PDZRN4: variants seen among roughly 807,000 people sequenced by gnomAD.
The protein encoded by PDZRN4 is PDZ domain containing ring finger 4.
In PDZRN4, 70 loss-of-function variants were observed where a neutral mutation model predicts 99.0. The ratio of observed to expected loss-of-function variants is 0.71; its 90% CI spans 0.58 to 0.86. The LOEUF is 0.86. PDZRN4 is among the 40% of genes least tolerant of loss of function. PDZRN4 has a pLI of 0.00. For synonymous variants in PDZRN4, 551 were observed against 501.6 expected, an observed-to-expected ratio of 1.10 and a Z score of -1.32; for missense variants, 1,474 against 1,331.2, an observed-to-expected ratio of 1.11 and a Z score of -1.67.
At chr12:41,315,060 T>A (rs7962357) in intron 3 of PDZRN4, among the ~76,000 whole-genome samples, 77,623 of 151,870 alleles carry the variant, frequency 0.51, 21,507 homozygotes, top group East Asian at 0.67. Flanking sequence ...TATTCCTAAA[T>A]GTTCAGGGAA....
intron 3 of PDZRN4, among the ~76,000 whole-genome samples, chr12:41,198,812 G>A (rs1950795597): frequency 6.6e-6 from 1 of 152,074 alleles, no homozygotes; most frequent in Admixed American, 6.5e-5. Flanking sequence ...TGTCAGTGTA[G>A]CACTTTCCAT....
At chr12:41,541,989 T>C (rs1295281943) in intron 5 of PDZRN4, among the ~76,000 whole-genome samples, 1 of 152,194 alleles carries the variant, frequency 6.6e-6, no homozygotes, top group South Asian at 2.1e-4. Context: ...TGGTATCTCT[T>C]TAGCTGACTT....
At chr12:41,546,389 G>C (rs144667638) in intron 5 of PDZRN4, among the ~76,000 whole-genome samples, 1 of 152,256 alleles carries the variant, frequency 6.6e-6, no homozygotes, top group African/African-American at 2.4e-5. Flanking sequence ...TTGGTGTAGT[G>C]TATTCTTGGT....
At chr12:41,306,046 A>C (rs986174986) in intron 3 of PDZRN4, among the ~76,000 whole-genome samples, 1 of 152,204 alleles carries the variant, frequency 6.6e-6, no homozygotes, top group African/African-American at 2.4e-5. Context: ...AAAGGGAAAA[A>C]TCAAAAGGAA....
chr12:41,481,208 C>G (rs1488372734), intron 3 of PDZRN4, among the ~76,000 whole-genome samples: 1 of 151,956 alleles, frequency 6.6e-6, no homozygotes, highest in South Asian at 2.1e-4. Flanking sequence ...TGATAGGAAC[C>G]TATCACCCAT....
At chr12:41,518,823 T>C (rs1252105753) in intron 5 of PDZRN4, among the ~76,000 whole-genome samples, 1 of 152,008 alleles carries the variant, frequency 6.6e-6, no homozygotes, top group Non-Finnish European at 1.5e-5. Context: ...GTGGCATGCA[T>C]CTGTGGTCCC....
intron 3 of PDZRN4, among the ~76,000 whole-genome samples, chr12:41,472,975 A>G (rs1343407624): frequency 3.3e-5 from 5 of 152,266 alleles, no homozygotes; most frequent in Admixed American, 3.3e-4. Context: ...CTAACTAAGC[A>G]TGCCATTATT....
chr12:41,194,863 G>A (rs1338929254), intron 3 of PDZRN4, among the ~76,000 whole-genome samples: 3 of 152,026 alleles, frequency 2.0e-5, no homozygotes, highest in Admixed American at 6.6e-5. Context: ...GAACATTTCT[G>A]ATGAGGAACT....
chr12:41,283,440 G>A (rs1308860413), intron 3 of PDZRN4, among the ~76,000 whole-genome samples: 1 of 152,118 alleles, frequency 6.6e-6, no homozygotes, highest in Non-Finnish European at 1.5e-5. Flanking sequence ...GTACAAAGTG[G>A]AGCTGATCCC....
chr12:41,561,237 C>A (rs1362705126), intron 7 of PDZRN4, among the ~76,000 whole-genome samples: 1 of 152,116 alleles, frequency 6.6e-6, no homozygotes, highest in Non-Finnish European at 1.5e-5. Flanking sequence ...CATTTAATAA[C>A]CTTCTATAAA....
In PDZRN4 at chr12:41,573,047, T is replaced by C; in HGVS notation, c.2268T>C (p.Pro756=). 6.2e-7 allele frequency: 1 copy of C among 1,614,126 alleles called. No homozygotes were observed. The highest frequency in any genetic ancestry group is 8.5e-7 in the Non-Finnish European group (1 of 1,179,994). Residue 756 remains proline, a synonymous_variant, in exon 10 of 10, where the codon CCT becomes CCC. Coordinates refer to ENST00000402685, the MANE Select transcript of PDZRN4 (RefSeq NM_001164595.2). The part of the protein sequence containing the change: ...RSTPLTVDRS[P]DSSLPRVINL... The stretch of plus-strand genomic sequence containing the variant: ...CTCCGCTCACTGTAGACCGTTCCCC[T>C]GACAGTTCCCTTCCAAGGGTGATCA...
In PDZRN4 at chr12:41,514,530, T is replaced by C. The variant is rs564006465; in HGVS notation, c.1203+4617T>C. Among the ~76,000 whole-genome samples, 20 of 152,240 alleles carry C rather than the reference T, an allele frequency of 1.3e-4. 1 individual carries two copies. Among genetic ancestry groups the C allele is most frequent in the African/African-American group, 4.6e-4 (19 of 41,578 alleles). ...AAAAAAAAACAAGTCCCTAGCATGA[T>C]GCATGTATAGAGCTATATGGATCTT... On this transcript the variant is annotated intron_variant, in intron 5 of 9. Transcript: ENST00000402685.
chr12:41,516,352 A>G (rs192239974), intron 5 of PDZRN4, among the ~76,000 whole-genome samples: 2 of 152,168 alleles, frequency 1.3e-5, no homozygotes, highest in Admixed American at 6.5e-5. Flanking sequence ...CCTCAGTAGT[A>G]TTTGTGTGAT....
At position 41,255,459 on chromosome 12, in the gene PDZRN4, G is replaced by A. The variant is rs141791564; in HGVS notation, c.843+61271G>A. Among the ~76,000 whole-genome samples the A allele has an allele frequency of 2.9e-3, 437 of 151,988 alleles. 2 individuals carry two copies. The highest frequency in any genetic ancestry group is 6.8e-3 in the Middle Eastern group (2 of 294). ...TTGTTTTGTTTTGTTTTTGGTAAGG[G>A]TAGTAGGAATAATTGGAGAGTTTTA... On this transcript the variant is annotated intron_variant, in intron 3 of 9. Transcript: ENST00000402685.
chr12:41,506,499 T>G lies in PDZRN4; in HGVS notation c.887T>G (p.Val296Gly). The G allele has an allele frequency of 6.2e-7, 1 of 1,613,702 alleles. No individual in the cohort carries two copies. Among genetic ancestry groups the G allele is most frequent in the Non-Finnish European group, 8.5e-7 (1 of 1,179,792 alleles). Residue 296 changes from valine (V) to glycine (G), a missense_variant, in exon 4 of 10, where the codon GTG (valine) becomes GGG (glycine). Transcript: ENST00000402685. The stretch of plus-strand genomic sequence containing the variant: ...TCAAAGGCCACTCATGAAGAGGCAG[T>G]GGAAGCTTTTCGCAATGCCAAGGAG... ...DLSKATHEEAVEAFRNAKEPI... is the reference protein window; with the variant it reads ...DLSKATHEEAGEAFRNAKEPI...
chr12:41,413,987 T>G (rs1193063990), intron 3 of PDZRN4, among the ~76,000 whole-genome samples: 1 of 152,154 alleles, frequency 6.6e-6, no homozygotes. Context: ...TCCCTTAAGA[T>G]TCTCTTGTAA....
intron 3 of PDZRN4, among the ~76,000 whole-genome samples, chr12:41,283,645 A>G (rs1384028646): frequency 6.6e-6 from 1 of 152,198 alleles, no homozygotes; most frequent in Non-Finnish European, 1.5e-5. Context: ...GCAGCACATC[A>G]AAAAGCTTTT....
chr12:41,431,064 T>G (rs1952582700), intron 3 of PDZRN4, among the ~76,000 whole-genome samples: 1 of 152,178 alleles, frequency 6.6e-6, no homozygotes, highest in Admixed American at 6.6e-5. Context: ...TGGTAAACCA[T>G]GATCTAATCA....
chr12:41,447,355 T>C (rs966797210), intron 3 of PDZRN4, among the ~76,000 whole-genome samples: 1 of 152,154 alleles, frequency 6.6e-6, no homozygotes, highest in Non-Finnish European at 1.5e-5. Flanking sequence ...TTTACTAAGA[T>C]GGCACATTGT....
Sources: gnomAD v4.1 joint callset for allele counts (sites outside exome capture counted in the v4.1 genomes callset) on GRCh38, gnomAD v4.1.1 for gene constraint, MANE v1.5 for transcripts, NCBI Gene and HGNC (gene_info 2026-07-23, HGNC 2026-07-21) for gene names.